Variants in SEM1 observed in about 807,000 individuals in gnomAD.
SEM1 encodes 26S proteasome complex subunit SEM1.
Under a neutral mutation model 12.7 loss-of-function variants are expected in SEM1, and 3 were observed. The ratio of observed to expected loss-of-function variants is 0.24; its 90% confidence interval spans 0.11 to 0.61. SEM1 has a LOEUF of 0.61. SEM1 is among the 20% of genes least tolerant of loss of function. The probability of loss-of-function intolerance (pLI) is 0.88; values close to 1 mark genes in which losing one functional copy is unlikely to be tolerated. For missense variants in SEM1, 59 were observed against 81.3 expected (o/e 0.73, Z 1.06); for synonymous variants, 30 against 27.8 (o/e 1.08, Z -0.25).
chr7:96,585,466 AGGCC>A (rs1335455902), intron 2 of SEM1, among the ~76,000 whole-genome samples: 7 of 147,722 alleles, frequency 4.7e-5, no homozygotes, highest in African/African-American at 1.7e-4. Context: ...AGAGGCAGGC[AGGCC>A]TCCTTCAGCT....
intron 2 of SEM1, among the ~76,000 whole-genome samples, chr7:96,534,536 A>T (rs1487001812): frequency 6.6e-6 from 1 of 152,060 alleles, no homozygotes; most frequent in Non-Finnish European, 1.5e-5. Flanking sequence ...GAACAGGAAA[A>T]TTTCATTGGT....
chr7:96,501,632 G>T (rs1374284281), intron 3 of SEM1, among the ~76,000 whole-genome samples: 1 of 152,092 alleles, frequency 6.6e-6, no homozygotes, highest in East Asian at 1.9e-4. Context: ...AAATTTATTG[G>T]ATGTTTAGTA....
intron 2 of SEM1, among the ~76,000 whole-genome samples, chr7:96,553,191 T>C: frequency 6.7e-6 from 1 of 150,216 alleles, no homozygotes; most frequent in Non-Finnish European, 1.5e-5. Context: ...AGAAGCTCTT[T>C]AGTTTAATTA....
At chr7:96,585,023 C>T (rs1029267652) in intron 2 of SEM1, among the ~76,000 whole-genome samples, 9 of 151,490 alleles carry the variant, frequency 5.9e-5, no homozygotes, top group African/African-American at 2.2e-4. Context: ...AACTGCGTTC[C>T]TTTGGAGAAG....
chr7:96,670,075 T>A (rs191511239), downstream of SEM1, among the ~76,000 whole-genome samples: 1 of 152,338 alleles, frequency 6.6e-6, no homozygotes, highest in East Asian at 1.9e-4. Flanking sequence ...GGTATATCAT[T>A]GAAACCACTT....
chr7:96,606,594 GTA>G (rs1318223770), intron 2 of SEM1, among the ~76,000 whole-genome samples: 1 of 152,200 alleles, frequency 6.6e-6, no homozygotes, highest in African/African-American at 2.4e-5. Flanking sequence ...AGAAAAAAAA[GTA>G]TTTATTTTTC....
chr7:96,536,969 T>A (rs929376789), intron 2 of SEM1, among the ~76,000 whole-genome samples: 5 of 151,838 alleles, frequency 3.3e-5, no homozygotes. Flanking sequence ...TTCCTATTTA[T>A]TTCATCTCCT....
chr7:96,617,158 G>T (rs1350030687), intron 2 of SEM1, among the ~76,000 whole-genome samples: 1 of 151,940 alleles, frequency 6.6e-6, no homozygotes, highest in Non-Finnish European at 1.5e-5. Flanking sequence ...TTTAATGATG[G>T]TGATTATTCC....
chr7:96,508,550 G>A lies in SEM1; in HGVS notation c.171-1852C>T, dbSNP rs374331147. On this transcript the variant is annotated intron_variant and NMD_transcript_variant, in intron 2 of 3. Coordinates refer to the SEM1 transcript ENST00000466986. ...CCCTGGGCCTTATGTATTAAATCAT[G>A]TTGCCTCTGCTGTCAGATAATCATC... Among the ~76,000 whole-genome samples, 208 of 152,234 alleles carry A rather than the reference G, an allele frequency of 1.4e-3. 1 individual carries two copies. Among genetic ancestry groups the A allele is most frequent in the South Asian group, 9.3e-3 (45 of 4,820 alleles).
At chr7:96,583,252 G>A (rs551948618) in intron 2 of SEM1, among the ~76,000 whole-genome samples, 1,839 of 148,296 alleles carry the variant, frequency 0.012, 32 homozygotes, top group African/African-American at 0.044. Flanking sequence ...TCAGGAGCAG[G>A]TTGTTCAGTT....
chr7:96,526,211 A>G (rs910880913), intron 2 of SEM1, among the ~76,000 whole-genome samples: 3 of 152,132 alleles, frequency 2.0e-5, no homozygotes, highest in Non-Finnish European at 2.9e-5. Context: ...TTTTTCAGAC[A>G]TTGATATGAC....
intron 2 of SEM1, among the ~76,000 whole-genome samples, chr7:96,586,209 G>C (rs1216961908): frequency 6.6e-6 from 1 of 152,052 alleles, no homozygotes; most frequent in East Asian, 1.9e-4. Context: ...GTGTATGCTT[G>C]GCTTTCTGGT....
chr7:96,541,984 G>GGTTGC (rs1283448414), intron 2 of SEM1, among the ~76,000 whole-genome samples: 1 of 144,366 alleles, frequency 6.9e-6, no homozygotes, highest in Admixed American at 7.0e-5. Context: ...ATGCTCTTTG[G>GGTTGC]GTTGCTGTGG....
intron 2 of SEM1, among the ~76,000 whole-genome samples, chr7:96,638,840 T>C (rs1363112908): frequency 6.6e-6 from 1 of 151,910 alleles, no homozygotes; most frequent in Non-Finnish European, 1.5e-5. Context: ...GCAATATCAC[T>C]AGTGGTAAGA....
intron 2 of SEM1, among the ~76,000 whole-genome samples, chr7:96,679,630 C>A (rs1419937406): frequency 6.6e-6 from 1 of 152,064 alleles, no homozygotes; most frequent in East Asian, 1.9e-4. Context: ...CATTAGTGAT[C>A]TGATTGACCT....
chr7:96,635,756 A>G (rs1246437078), intron 2 of SEM1, among the ~76,000 whole-genome samples: 1 of 152,090 alleles, frequency 6.6e-6, no homozygotes, highest in East Asian at 1.9e-4. Flanking sequence ...CAACCTTTTT[A>G]GTGTCACTGA....
rs565316038 is a variant in SEM1, at chr7:96,569,315, T to A, written c.171-62617A>T. 4.7e-4 allele frequency among the ~76,000 whole-genome samples: 71 copies of A among 152,144 alleles called. 1 individual carries two copies. The highest frequency in any genetic ancestry group is 1.6e-3 in the African/African-American group (67 of 41,554). On this transcript the variant is annotated intron_variant and NMD_transcript_variant, in intron 2 of 3. Transcript: ENST00000466986. ...GAAAAGAAAAACCGTGAAGGAGAAATTGAGGTGTGACTACATTTCCTCAAA... is the reference window on the plus strand; with the variant it reads ...GAAAAGAAAAACCGTGAAGGAGAAAATGAGGTGTGACTACATTTCCTCAAA...
intron 2 of SEM1, among the ~76,000 whole-genome samples, chr7:96,509,161 T>C (rs981897006): frequency 7.0e-4 from 105 of 150,040 alleles, no homozygotes; most frequent in Admixed American, 1.2e-3. Flanking sequence ...TAATTTTTTT[T>C]TTTTTTTTTT....
intron 2 of SEM1, among the ~76,000 whole-genome samples, chr7:96,575,216 C>G (rs918224467): frequency 1.3e-5 from 2 of 152,180 alleles, no homozygotes; most frequent in East Asian, 3.9e-4. Flanking sequence ...TTCTAACAGT[C>G]AGGCCCCTCT....
Sources: allele counts gnomAD v4.1 joint callset (sites outside exome capture counted in the v4.1 genomes callset), GRCh38; gene constraint gnomAD v4.1.1; transcripts MANE v1.5; gene names NCBI Gene and HGNC (gene_info 2026-07-23, HGNC 2026-07-21).